Variants in AEBP2 observed in about 807,000 individuals in gnomAD.
AEBP2 encodes the protein zinc finger protein AEBP2.
Under a neutral mutation model 50.8 loss-of-function variants are expected in AEBP2, and 10 were observed. The observed-to-expected ratio is 0.20, with a 90% CI of 0.12 to 0.33. The LOEUF (loss-of-function observed/expected upper bound fraction) is 0.33, where lower values mean the gene tolerates loss of function less well. Ranked by LOEUF, AEBP2 falls within the 10% of genes least tolerant of loss-of-function variation. AEBP2 has a pLI of 1.00. For synonymous variants in AEBP2, 296 were observed against 261.3 expected (o/e 1.13, Z -1.28); for missense variants, 570 against 688.0 (o/e 0.83, Z 1.92).
intron 5 of AEBP2, among the ~76,000 whole-genome samples, chr12:19,505,575 AC>A (rs1447316517): frequency 6.6e-6 from 1 of 152,210 alleles, no homozygotes; most frequent in Non-Finnish European, 1.5e-5. Context: ...ATGAGGTGTA[AC>A]ATCTTGAGGT....
chr12:19,472,852 T>C (rs1948591451), intron 2 of AEBP2, among the ~76,000 whole-genome samples: 1 of 152,148 alleles, frequency 6.6e-6, no homozygotes, highest in Admixed American at 6.5e-5. Context: ...AGGTATATTT[T>C]TACAAAATAT....
At chr12:19,516,594 G>A (rs1949321831) in intron 7 of AEBP2, among the ~76,000 whole-genome samples, 1 of 152,162 alleles carries the variant, frequency 6.6e-6, no homozygotes, top group Non-Finnish European at 1.5e-5. Context: ...ATGTTCTGAA[G>A]TGCATAGGAA....
In AEBP2 at chr12:19,453,872, C is replaced by G. The variant is rs571180024; in HGVS notation, c.672-8638C>G. On this transcript the variant is annotated intron_variant, in intron 1 of 7. Coordinates refer to ENST00000266508, the MANE Select transcript of AEBP2 (RefSeq NM_153207.5). Reference sequence around the variant, plus strand: ...GCGGTGGAGGCGGGATCACAGCTCACTGCAAACTCCACCTCCACGGCTCAA... The same window carrying G: ...GCGGTGGAGGCGGGATCACAGCTCAGTGCAAACTCCACCTCCACGGCTCAA... Among the ~76,000 whole-genome samples, 4 of 150,950 alleles carry G rather than the reference C, an allele frequency of 2.6e-5. 1 individual carries two copies. The highest frequency in any genetic ancestry group is 9.7e-5 in the African/African-American group (4 of 41,084).
intron 1 of AEBP2, among the ~76,000 whole-genome samples, chr12:19,426,652 C>G (rs2095748706): frequency 2.0e-5 from 3 of 152,114 alleles, no homozygotes; most frequent in African/African-American, 7.2e-5. Flanking sequence ...TCCTGTAATC[C>G]CAGCACTTTG....
At chr12:19,425,442 G>A (rs1198467311) in intron 1 of AEBP2, among the ~76,000 whole-genome samples, 1 of 152,184 alleles carries the variant, frequency 6.6e-6, no homozygotes, top group East Asian at 1.9e-4. Flanking sequence ...TGTAATCCCA[G>A]CACTTTGGGA....
At chr12:19,500,339 CT>C in intron 5 of AEBP2, 118 bp downstream of exon 5, 1 of 1,054,232 alleles carries the variant, frequency 9.5e-7, no homozygotes. Context: ...ATCACAAAAC[CT>C]TTTGTTTTAT....
chr12:19,473,083 T>G (rs983841123), intron 2 of AEBP2, among the ~76,000 whole-genome samples, 165 bp from the exon 3 acceptor site: 1 of 152,104 alleles, frequency 6.6e-6, no homozygotes, highest in Non-Finnish European at 1.5e-5. Flanking sequence ...TGGCTTATAC[T>G]AGGATGTTTT....
At chr12:19,437,924 T>C (rs1359004203), upstream of AEBP2, among the ~76,000 whole-genome samples, 1 of 152,200 alleles carries the variant, frequency 6.6e-6, no homozygotes, top group African/African-American at 2.4e-5. Context: ...GGCTCTGTTT[T>C]CAGGCAGTCA....
intron 2 of AEBP2, among the ~76,000 whole-genome samples, chr12:19,464,701 C>T (rs1948440968): frequency 6.6e-6 from 1 of 151,636 alleles, no homozygotes; most frequent in Non-Finnish European, 1.5e-5. Context: ...ATTCTCCTGC[C>T]TCACCCTCCC....
Position 19,518,188 on chromosome 12 carries a change from G to T in AEBP2, c.*71G>T. Reference sequence around the variant, plus strand: ...GTCTTAGTCACTGACAATGGGTTTAGGGAAAGTTGCACATTAGAGTCAACC... The same window carrying T: ...GTCTTAGTCACTGACAATGGGTTTATGGAAAGTTGCACATTAGAGTCAACC... On this transcript the variant is annotated 3_prime_UTR_variant, in exon 8 of 8. Coordinates refer to ENST00000266508, the MANE Select transcript of AEBP2 (RefSeq NM_153207.5). 1 of 1,455,700 alleles carries T rather than the reference G, an allele frequency of 6.9e-7. No homozygotes were observed. The highest frequency in any genetic ancestry group is 1.5e-5 in the South Asian group (1 of 66,768). The allele number at this position is 1,455,700 out of a possible 1,614,324, so 90.2% of individuals were successfully genotyped here. A position where few individuals can be genotyped will look rare whatever the true frequency, so the allele number is the denominator to read the frequency against.
chr12:19,467,699 G>A (rs911889506), intron 2 of AEBP2, among the ~76,000 whole-genome samples: 8 of 152,202 alleles, frequency 5.3e-5, no homozygotes, highest in African/African-American at 1.9e-4. Context: ...GTCTTGGAAA[G>A]TGGGGAACTT....
Position 19,462,527 on chromosome 12 carries a change from T to A in AEBP2, c.689T>A (p.Met230Lys). Residue 230 changes from methionine (M) to lysine (K), a missense_variant, in exon 2 of 8, where the codon ATG becomes AAG. By Grantham distance (95) the Met-to-Lys change is moderately conservative. This residue lies in a region of AEBP2 where 184 missense variants were observed against 351.2 expected (regional missense o/e 0.52). Coordinates refer to ENST00000266508, the MANE Select transcript of AEBP2 (RefSeq NM_153207.5). The part of the protein sequence containing the change: ...DSEDSISSTI[M>K]DVDSTISSGR... ...TTTTGTAGCATAAGCAGTACTATAA[T>A]GGATGTAGACAGCACAATTTCCAGT... 6.2e-7 allele frequency: 1 copy of A among 1,611,536 alleles called. No individual in the cohort carries two copies. The highest frequency in any genetic ancestry group is 8.5e-7 in the Non-Finnish European group (1 of 1,178,728).
chr12:19,467,079 A>G (rs1041604499), intron 2 of AEBP2, among the ~76,000 whole-genome samples: 2 of 152,292 alleles, frequency 1.3e-5, no homozygotes, highest in East Asian at 3.9e-4. Context: ...AAACTAATCT[A>G]AACACCAAAT....
Position 19,479,717 on chromosome 12 carries a change from G to GTTTTTTTTTTTTTTTTTTTTTT in AEBP2, c.987+6372_987+6393dup, listed in dbSNP as rs369410408. ...ATTATTTAATGTCACCTCTTTGTGG[G>GTTTTTTTTTTTTTTTTTTTTTT]TTTTTTTTTTTTTTTTTTTTTTTTT... On this transcript the variant is annotated intron_variant, in intron 3 of 7. Transcript: ENST00000266508. Among the ~76,000 whole-genome samples, 39 of 22,340 alleles carry GTTTTTTTTTTTTTTTTTTTTTT rather than the reference G, an allele frequency of 1.7e-3. 3 individuals carry two copies. The highest frequency in any genetic ancestry group is 2.9e-3 in the Non-Finnish European group (32 of 11,044). The allele number at this position is 22,340 out of a possible 152,430, so 14.7% of individuals were successfully genotyped here. A position where few individuals can be genotyped will look rare whatever the true frequency, so the allele number is the denominator to read the frequency against.
chr12:19,455,334 A>G (rs1250569244), intron 1 of AEBP2, among the ~76,000 whole-genome samples: 1 of 152,154 alleles, frequency 6.6e-6, no homozygotes, highest in African/African-American at 2.4e-5. Flanking sequence ...TTGTGTTGCT[A>G]TTTGGTAATA....
In AEBP2 at chr12:19,460,235, G is replaced by A. The variant is rs1948349007; in HGVS notation, c.672-2275G>A. ...AACATCCCCCCACCCCTCACAATAG[G>A]TACATTTGATGTTAGACACAGATCA... On this transcript the variant is annotated intron_variant, in intron 1 of 7. Coordinates refer to ENST00000266508, the MANE Select transcript of AEBP2 (RefSeq NM_153207.5). 2.0e-5 allele frequency among the ~76,000 whole-genome samples: 3 copies of A among 152,044 alleles called. No homozygotes were observed. In the South Asian group the frequency reaches 6.2e-4, roughly 32 times the overall value.
intron 4 of AEBP2, among the ~76,000 whole-genome samples, chr12:19,496,434 G>T (rs1309902307): frequency 1.3e-5 from 2 of 152,050 alleles, no homozygotes; most frequent in East Asian, 3.9e-4. Flanking sequence ...TTTCACTGTG[G>T]GGAGCCATTG....
At chr12:19,462,173 G>T (rs947863074) in intron 1 of AEBP2, among the ~76,000 whole-genome samples, 6 of 152,102 alleles carry the variant, frequency 3.9e-5, no homozygotes, top group Non-Finnish European at 8.8e-5. Context: ...ATGCTTCTTT[G>T]AACTGTAGAA....
At chr12:19,468,301 A>G (rs760591003) in intron 2 of AEBP2, among the ~76,000 whole-genome samples, 4 of 152,252 alleles carry the variant, frequency 2.6e-5, no homozygotes, top group Non-Finnish European at 4.4e-5. Context: ...CACCTGGCCT[A>G]TCTGACTTTA....
Sources: allele counts gnomAD v4.1 joint callset (sites outside exome capture counted in the v4.1 genomes callset), GRCh38; gene constraint gnomAD v4.1.1; regional missense constraint gnomAD v4.1.1; transcripts MANE v1.5; gene names NCBI Gene and HGNC (gene_info 2026-07-23, HGNC 2026-07-21).